SNX18: variants seen among roughly 807,000 people sequenced by gnomAD.
SNX18 encodes the protein sorting nexin 18.
A neutral mutation model predicts 48.7 loss-of-function variants in SNX18; 35 were observed. The observed-to-expected ratio is 0.72, with a 90% CI of 0.55 to 0.95. The LOEUF (loss-of-function observed/expected upper bound fraction) is 0.95. Among genes scored for constraint, SNX18 ranks in the 40% least tolerant of loss-of-function variants. The probability of loss-of-function intolerance (pLI) is 0.00; values close to 1 mark genes in which losing one functional copy is unlikely to be tolerated. For missense variants in SNX18, 824 were observed against 871.0 expected (o/e 0.95, Z 0.68); for synonymous variants, 492 against 384.7 (o/e 1.28, Z -3.26).
the SNX18 span, among the ~76,000 whole-genome samples, chr5:54,629,645 T>A: frequency 1.3e-5 from 2 of 152,254 alleles, no homozygotes; most frequent in African/African-American, 4.8e-5. Context: ...TCCTTCCTAC[T>A]GAAGCCAACG....
the SNX18 span, among the ~76,000 whole-genome samples, chr5:54,640,974 T>G: frequency 8.5e-5 from 13 of 152,140 alleles, no homozygotes; most frequent in Admixed American, 2.0e-4. Flanking sequence ...ATAGGAGAAC[T>G]GCTTGAATGT....
the SNX18 span, among the ~76,000 whole-genome samples, chr5:54,586,306 A>G: frequency 6.6e-6 from 1 of 152,294 alleles, no homozygotes; most frequent in South Asian, 2.1e-4. Context: ...CAAGTCCTTC[A>G]CTAGCAACTA....
the SNX18 span, among the ~76,000 whole-genome samples, chr5:54,561,414 T>G: frequency 2.0e-5 from 3 of 151,754 alleles, no homozygotes; most frequent in African/African-American, 7.3e-5. Context: ...AGTGGCTTAC[T>G]GCAGCCTCAA....
At chr5:54,529,856 AT>A (rs1236928314) in intron 1 of SNX18, among the ~76,000 whole-genome samples, 1 of 152,064 alleles carries the variant, frequency 6.6e-6, no homozygotes. Flanking sequence ...GCTGAAAAAT[AT>A]TTTTCAGCAT....
the SNX18 span, among the ~76,000 whole-genome samples, chr5:54,577,219 T>C: frequency 6.6e-6 from 1 of 152,098 alleles, no homozygotes; most frequent in Non-Finnish European, 1.5e-5. Flanking sequence ...TTATCCTCTC[T>C]CAAAGCATTT....
chr5:54,525,561 T>A (rs565047625), intron 1 of SNX18, among the ~76,000 whole-genome samples: 1 of 152,152 alleles, frequency 6.6e-6, no homozygotes, highest in African/African-American at 2.4e-5. Flanking sequence ...CCGGAAGTAA[T>A]GGCAACTGGG....
At chr5:54,575,531 C>T in the SNX18 span, among the ~76,000 whole-genome samples, 34 of 151,968 alleles carry the variant, frequency 2.2e-4, no homozygotes, top group African/African-American at 8.2e-4. Flanking sequence ...ACCACCACGC[C>T]TGGCTAACTT....
the SNX18 span, among the ~76,000 whole-genome samples, chr5:54,637,498 TGAAGTGGTGGTGGGGTGGGG>T: frequency 6.6e-6 from 1 of 151,806 alleles, no homozygotes; most frequent in African/African-American, 2.4e-5. Context: ...CAAGGAGGAA[TGAAGTGGTGGTGGGGTGGGG>T]TAGGCTAGGT....
At chr5:54,633,816 T>A in the SNX18 span, among the ~76,000 whole-genome samples, 1 of 152,338 alleles carries the variant, frequency 6.6e-6, no homozygotes, top group East Asian at 1.9e-4. Context: ...TAAGCCATGT[T>A]CTTTTAGAGT....
the SNX18 span, among the ~76,000 whole-genome samples, chr5:54,578,412 G>A: frequency 3.9e-5 from 6 of 152,188 alleles, no homozygotes; most frequent in African/African-American, 1.4e-4. Flanking sequence ...CAACACACCT[G>A]CCCCTCACAG....
the SNX18 span, among the ~76,000 whole-genome samples, chr5:54,578,517 CA>C: frequency 1.3e-5 from 2 of 152,182 alleles, no homozygotes; most frequent in African/African-American, 4.8e-5. Flanking sequence ...TGGGAATAGG[CA>C]GGCACCATCA....
chr5:54,642,329 C>T, the SNX18 span, among the ~76,000 whole-genome samples: 15 of 151,692 alleles, frequency 9.9e-5, no homozygotes, highest in African/African-American at 2.7e-4. Flanking sequence ...CCCTAGCAAA[C>T]GTGCAGGAAT....
At chr5:54,566,140 C>T in the SNX18 span, among the ~76,000 whole-genome samples, 3 of 152,138 alleles carry the variant, frequency 2.0e-5, no homozygotes, top group Non-Finnish European at 2.9e-5. Context: ...AAATAATAGC[C>T]ACAGAGACTG....
the SNX18 span, among the ~76,000 whole-genome samples, chr5:54,585,665 A>C: frequency 6.6e-6 from 1 of 152,106 alleles, no homozygotes; most frequent in Non-Finnish European, 1.5e-5. Flanking sequence ...AGGATAAAAA[A>C]AGAGCCCTGG....
At chr5:54,567,694 G>A in the SNX18 span, among the ~76,000 whole-genome samples, 1 of 152,196 alleles carries the variant, frequency 6.6e-6, no homozygotes, top group Admixed American at 6.5e-5. Flanking sequence ...CTGATGAGCA[G>A]TTTGGTTACA....
At chr5:54,566,791 C>G in the SNX18 span, among the ~76,000 whole-genome samples, 1 of 152,232 alleles carries the variant, frequency 6.6e-6, no homozygotes, top group Non-Finnish European at 1.5e-5. Flanking sequence ...CCAGGTCCCC[C>G]AGCTAGGGAC....
the SNX18 span, among the ~76,000 whole-genome samples, chr5:54,573,348 C>T: frequency 6.6e-6 from 1 of 152,116 alleles, no homozygotes; most frequent in South Asian, 2.1e-4. Flanking sequence ...TTCAGACTCA[C>T]CCTGAATTCT....
Position 54,519,050 on chromosome 5 carries a change from C to T in SNX18, c.1098C>T (p.His366=), listed in dbSNP as rs892989356. ...LIWWMNHMAS[H]PVLAQCDVFQ... is the part of the protein sequence containing the mutation. ...GGTGGATGAACCACATGGCCAGCCA[C>T]CCAGTGCTGGCGCAGTGCGACGTCT... Residue 366 remains histidine (H), a synonymous_variant, in exon 1 of 2, where the codon CAC becomes CAT. Transcript: ENST00000381410. The T allele has an allele frequency of 1.2e-6, 2 of 1,613,724 alleles. No individual in the cohort carries two copies. Among genetic ancestry groups the T allele is most frequent in the Non-Finnish European group, 8.5e-7 (1 of 1,179,854 alleles).
At position 54,518,315 on chromosome 5, in the gene SNX18, G is replaced by A. The variant is rs1463568489; in HGVS notation, c.363G>A (p.Pro121=). Residue 121 remains proline (P), a synonymous_variant, in exon 1 of 2, where the codon CCG becomes CCA. Coordinates refer to ENST00000381410, the MANE Select transcript of SNX18 (RefSeq NM_001102575.2). ...QQAPPPSTFQ[P]PGAGFPYGGG... is the part of the protein sequence containing the mutation. ...CGCCGCCTCCGAGCACCTTCCAGCC[G>A]CCCGGCGCGGGCTTCCCGTACGGCG... 7 of 1,534,530 alleles carry A rather than the reference G, an allele frequency of 4.6e-6. No individual in the cohort carries two copies. The highest frequency in any genetic ancestry group is 3.6e-5 in the South Asian group (3 of 82,652).
Sources: allele counts gnomAD v4.1 joint callset (sites outside exome capture counted in the v4.1 genomes callset), GRCh38; gene constraint gnomAD v4.1.1; transcripts MANE v1.5; gene names NCBI Gene and HGNC (gene_info 2026-07-23, HGNC 2026-07-21).